Variants in ABCA1 observed in about 807,000 individuals in gnomAD.
The protein encoded by ABCA1 is phospholipid-transporting ATPase ABCA1.
In ABCA1, 133 loss-of-function variants were observed where a neutral mutation model predicts 262.5. The ratio of observed to expected loss-of-function variants is 0.51; its 90% CI spans 0.44 to 0.59. ABCA1 has a LOEUF of 0.59. Among genes scored for constraint, ABCA1 ranks in the 20% least tolerant of loss-of-function variants. The pLI is 0.00. For synonymous variants in ABCA1, 1,022 were observed against 1,043.5 expected (o/e 0.98, Z 0.40); for missense variants, 2,452 against 2,777.5 (o/e 0.88, Z 2.63).
At chr9:104,876,469 T>C (rs1838178072) in intron 5 of ABCA1, among the ~76,000 whole-genome samples, 1 of 152,104 alleles carries the variant, frequency 6.6e-6, no homozygotes, top group Non-Finnish European at 1.5e-5. Context: ...CAGTGCAACC[T>C]GGAGTTGAAT....
In ABCA1 at chr9:104,845,556, G is replaced by A; in HGVS notation, c.734C>T (p.Ser245Phe). 1 of 1,612,810 alleles carries A rather than the reference G, an allele frequency of 6.2e-7. No homozygotes were observed. Among genetic ancestry groups the A allele is most frequent in the East Asian group, 2.2e-5 (1 of 44,866 alleles). ...ILKPILRTLN[S>F]TSPFPSKELA... is the part of the protein sequence containing the mutation. ...CTCCTTGCTCGGGAAGGGAGATGTAGAGTTTAGTGTTCTCTGTAATGAGAA... is the reference window on the plus strand; with the variant it reads ...CTCCTTGCTCGGGAAGGGAGATGTAAAGTTTAGTGTTCTCTGTAATGAGAA... Residue 245 changes from serine to phenylalanine, a missense_variant, in exon 8 of 50, where the codon TCT (serine) becomes TTT (phenylalanine). Ser to Phe is a radical substitution (Grantham distance 155). Coordinates refer to ENST00000374736, the MANE Select transcript of ABCA1 (RefSeq NM_005502.4).
chr9:104,862,541 G>A (rs1010191250), intron 5 of ABCA1, among the ~76,000 whole-genome samples: 1 of 151,860 alleles, frequency 6.6e-6, no homozygotes, highest in Non-Finnish European at 1.5e-5. Context: ...AAGCTGCAGA[G>A]ACTAATCTCC....
chr9:104,889,076 C>G, intron 3 of ABCA1, 26 bp downstream of exon 3: 1 of 1,601,608 alleles, frequency 6.2e-7, no homozygotes. Flanking sequence ...ATTGGTGAGT[C>G]TCAGGCAACA....
chr9:104,881,525 T>C (rs889311541), intron 5 of ABCA1, among the ~76,000 whole-genome samples: 1 of 151,816 alleles, frequency 6.6e-6, no homozygotes, highest in Non-Finnish European at 1.5e-5. Context: ...TGCCAAATAC[T>C]GTTTTTAAGC....
chr9:104,804,760 A>T (rs1332026231), intron 31 of ABCA1, 40 bp from the exon 32 acceptor site: 1 of 1,534,132 alleles, frequency 6.5e-7, no homozygotes, highest in Admixed American at 1.7e-5. Context: ...GTCTTTATAG[A>T]CAAGAATTGA....
intron 3 of ABCA1, among the ~76,000 whole-genome samples, chr9:104,887,722 CTTTTTTTTTTTT>C (rs56828334): frequency 2.0e-5 from 2 of 98,850 alleles, no homozygotes; most frequent in East Asian, 3.1e-4. Flanking sequence ...TCAGTTTATG[CTTTTTTTTTTTT>C]TTTTTTTTTT....
At chr9:104,791,291 G>A (rs892863248) in intron 43 of ABCA1, among the ~76,000 whole-genome samples, 2 of 152,174 alleles carry the variant, frequency 1.3e-5, no homozygotes, top group Non-Finnish European at 2.9e-5. Context: ...AAGCCAGCTA[G>A]CCAAATTGCA....
At chr9:104,787,768 G>C in intron 46 of ABCA1, 152 bp downstream of exon 46, 1 of 1,533,302 alleles carries the variant, frequency 6.5e-7, no homozygotes. Context: ...TGTGCCAAGG[G>C]AGAAGCTTCC....
At chr9:104,855,708 C>A (rs1409761702) in intron 7 of ABCA1, 1 of 1,538,306 alleles carries the variant, frequency 6.5e-7, no homozygotes, top group South Asian at 1.2e-5. Flanking sequence ...CTTACAGGGA[C>A]TAAATAATTT....
At chr9:104,854,083 C>T (rs1013349768) in intron 7 of ABCA1, among the ~76,000 whole-genome samples, 1 of 152,138 alleles carries the variant, frequency 6.6e-6, no homozygotes, top group Non-Finnish European at 1.5e-5. Flanking sequence ...TGACAGGAGG[C>T]GTCAGAGGTT....
At chr9:104,836,871 G>A (rs553679356) in intron 11 of ABCA1, 109 bp downstream of exon 11, 86 of 887,792 alleles carry the variant, frequency 9.7e-5, no homozygotes, top group Admixed American at 2.8e-4. Context: ...CATTCCCCCA[G>A]CTAGATAAAC....
chr9:104,813,086 T>C (rs1196117465), intron 27 of ABCA1, among the ~76,000 whole-genome samples: 1 of 152,232 alleles, frequency 6.6e-6, no homozygotes, highest in Admixed American at 6.5e-5. Context: ...TAGCTTGACA[T>C]ATTTGAGAAT....
intron 39 of ABCA1, 112 bp downstream of exon 39, chr9:104,795,941 C>A: frequency 7.0e-7 from 1 of 1,437,008 alleles, no homozygotes; most frequent in Non-Finnish European, 9.7e-7. Context: ...CAGGACAAGG[C>A]AGTCAGCAGT....
chr9:104,832,891 G>T, intron 11 of ABCA1, 120 bp from the exon 12 acceptor site: 1 of 874,646 alleles, frequency 1.1e-6, no homozygotes, highest in Non-Finnish European at 1.9e-6. Context: ...GAAAACTGAG[G>T]TAAATGACAG....
chr9:104,806,204 AC>A (rs1830746291), intron 31 of ABCA1, 36 bp downstream of exon 31: 4 of 1,602,864 alleles, frequency 2.5e-6, no homozygotes, highest in Non-Finnish European at 3.4e-6. Flanking sequence ...CCCATCCTGC[AC>A]CCCTTCTGCC....
At chr9:104,815,489 A>C (rs949123669) in intron 25 of ABCA1, among the ~76,000 whole-genome samples, 2 of 152,212 alleles carry the variant, frequency 1.3e-5, no homozygotes, top group African/African-American at 4.8e-5. Context: ...ATGGATAAAG[A>C]GAGGATGGAC....
intron 34 of ABCA1, 93 bp from the exon 35 acceptor site, chr9:104,800,677 G>T: frequency 8.9e-7 from 1 of 1,129,128 alleles, no homozygotes; most frequent in Non-Finnish European, 1.4e-6. Context: ...GGACGGCCCT[G>T]TGAAGAGCAA....
At chr9:104,822,341 C>T (rs1832437582) in intron 19 of ABCA1, among the ~76,000 whole-genome samples, 155 bp downstream of exon 19, 1 of 152,220 alleles carries the variant, frequency 6.6e-6, no homozygotes, top group Non-Finnish European at 1.5e-5. Context: ...CGTGGAAAGA[C>T]ACTCATGATT....
In ABCA1 at chr9:104,901,002, C is replaced by T. The variant is rs116034277; in HGVS notation, c.66+2612G>A. On this transcript the variant is annotated intron_variant, in intron 2 of 49. Coordinates refer to ENST00000374736, the MANE Select transcript of ABCA1 (RefSeq NM_005502.4). ...AGGCTACAAACTGCCTTTGGCTAAACCTGCCTATCTCTCTAATCCTAACAC... is the reference window on the plus strand; with the variant it reads ...AGGCTACAAACTGCCTTTGGCTAAATCTGCCTATCTCTCTAATCCTAACAC... Among the ~76,000 whole-genome samples, 250 of 152,276 alleles carry T rather than the reference C, an allele frequency of 1.6e-3. 1 individual carries two copies. Among genetic ancestry groups the T allele is most frequent in the African/African-American group, 5.7e-3 (237 of 41,538 alleles).
Sources: gnomAD v4.1 joint callset for allele counts (sites outside exome capture counted in the v4.1 genomes callset) on GRCh38, gnomAD v4.1.1 for gene constraint, MANE v1.5 for transcripts, NCBI Gene and HGNC (gene_info 2026-07-23, HGNC 2026-07-21) for gene names.